SLC44A5: variants seen among roughly 807,000 people sequenced by gnomAD.
The protein encoded by SLC44A5 is choline transporter-like protein 5.
SLC44A5 carries 57 observed loss-of-function variants against 101.8 expected under a neutral mutation model. That is an observed-to-expected ratio of 0.56 (90% CI 0.45 to 0.70). The LOEUF is 0.70. SLC44A5 is among the 30% of genes least tolerant of loss of function. The pLI, the probability that SLC44A5 is intolerant of heterozygous loss-of-function variation, is 0.00. For missense variants in SLC44A5, 737 were observed against 853.1 expected (o/e 0.86, Z 1.70); for synonymous variants, 281 against 290.9 (o/e 0.97, Z 0.35).
Position 75,218,636 on chromosome 1 carries a change from T to C in SLC44A5, c.1383A>G (p.Leu461=), listed in dbSNP as rs1180378959. The C allele has an allele frequency of 1.2e-6, 2 of 1,613,700 alleles. No homozygotes were observed. Residue 461 remains leucine (L), a synonymous_variant, in exon 17 of 24, where the codon TTA becomes TTG. Coordinates refer to ENST00000370859, the MANE Select transcript of SLC44A5 (RefSeq NM_001130058.2). The part of the protein sequence containing the change: ...QYIPTFHVYN[L]FVFLWLINFV... ...AGTTTATAAGCCAGAGAAAGACAAA[T>C]AAGTTGTATACATGGAAGGTAGGGA...
At chr1:75,502,604 G>T (rs371010183) in intron 2 of SLC44A5, among the ~76,000 whole-genome samples, 13 of 151,968 alleles carry the variant, frequency 8.6e-5, no homozygotes, top group African/African-American at 3.1e-4. Context: ...TGCACAACGT[G>T]CAGGTTTGTT....
chr1:75,335,684 G>A (rs961885196), intron 4 of SLC44A5, among the ~76,000 whole-genome samples: 3 of 152,188 alleles, frequency 2.0e-5, no homozygotes, highest in African/African-American at 7.2e-5. Context: ...AAGCCTTGCT[G>A]GACTAGAAGC....
chr1:75,563,038 A>G (rs1224167088), intron 1 of SLC44A5, among the ~76,000 whole-genome samples: 7 of 152,290 alleles, frequency 4.6e-5, no homozygotes, highest in South Asian at 2.1e-4. Context: ...TTGATACGCA[A>G]TCATTACATT....
chr1:75,398,784 T>C (rs17583693), intron 2 of SLC44A5, among the ~76,000 whole-genome samples: 5,986 of 152,248 alleles, frequency 0.039, 162 homozygotes, highest in Middle Eastern at 0.071. Context: ...GCTTATGTCT[T>C]TTTCAAAACT....
intron 10 of SLC44A5, among the ~76,000 whole-genome samples, chr1:75,238,047 G>C (rs751551502): frequency 1.4e-4 from 21 of 151,912 alleles, no homozygotes; most frequent in Admixed American, 7.2e-4. Context: ...TTAGTACATA[G>C]AAATTTGATA....
chr1:75,326,025 G>A (rs1391682970), intron 4 of SLC44A5, among the ~76,000 whole-genome samples: 2 of 150,892 alleles, frequency 1.3e-5, no homozygotes, highest in Non-Finnish European at 2.9e-5. Context: ...TCATGTCAGT[G>A]CTCAAAAAGT....
At chr1:75,433,192 A>G (rs1366053706) in intron 2 of SLC44A5, among the ~76,000 whole-genome samples, 2 of 152,104 alleles carry the variant, frequency 1.3e-5, no homozygotes, top group African/African-American at 4.8e-5. Flanking sequence ...TGCTCAATAA[A>G]TATTTATGGA....
Position 75,238,639 on chromosome 1 carries a change from G to A in SLC44A5, c.533-3C>T. ...GTCAGGGAAACATCTCTGGAGAACT[G>A]TAAAAATAAATTAAAATTATTGTAA... On this transcript the variant is annotated splice_region_variant and splice_polypyrimidine_tract_variant and intron_variant, in intron 9 of 23. Coordinates refer to ENST00000370859, the MANE Select transcript of SLC44A5 (RefSeq NM_001130058.2). The A allele has an allele frequency of 6.5e-7, 1 of 1,539,426 alleles. No individual in the cohort carries two copies.
At chr1:75,496,978 A>C (rs1668711470) in intron 2 of SLC44A5, among the ~76,000 whole-genome samples, 1 of 152,206 alleles carries the variant, frequency 6.6e-6, no homozygotes, top group Non-Finnish European at 1.5e-5. Context: ...AAAGACAAAA[A>C]ATAAGTGTTT....
intron 6 of SLC44A5, among the ~76,000 whole-genome samples, chr1:75,263,370 A>G (rs1003356040): frequency 6.6e-6 from 1 of 152,232 alleles, no homozygotes; most frequent in Non-Finnish European, 1.5e-5. Context: ...GCCAACAAAC[A>G]TATGAAAAAA....
intron 2 of SLC44A5, among the ~76,000 whole-genome samples, chr1:75,486,435 C>G: frequency 6.6e-6 from 1 of 152,190 alleles, no homozygotes; most frequent in East Asian, 1.9e-4. Flanking sequence ...GAACAGATAT[C>G]AAATGTTTTA....
the SLC44A5 span, among the ~76,000 whole-genome samples, chr1:75,674,493 C>A: frequency 6.6e-6 from 1 of 152,150 alleles, no homozygotes; most frequent in African/African-American, 2.4e-5. Context: ...GATTATCCTG[C>A]CTCAGCCTCC....
intron 1 of SLC44A5, among the ~76,000 whole-genome samples, chr1:75,557,392 A>T (rs1381183785): frequency 1.3e-5 from 2 of 152,112 alleles, no homozygotes; most frequent in Non-Finnish European, 2.9e-5. Context: ...TGGGAGAGAA[A>T]GGAAGGAGTG....
chr1:75,414,548 A>G (rs1003142877), intron 2 of SLC44A5, among the ~76,000 whole-genome samples: 2 of 151,998 alleles, frequency 1.3e-5, no homozygotes, highest in African/African-American at 2.4e-5. Context: ...AACTATTTAT[A>G]CAGTAAATTG....
the SLC44A5 span, among the ~76,000 whole-genome samples, chr1:75,719,088 A>T: frequency 3.9e-5 from 6 of 152,302 alleles, no homozygotes; most frequent in East Asian, 1.2e-3. Flanking sequence ...AGTTGACTGC[A>T]GAGAGCCAAT....
At chr1:75,604,585 G>C (rs1038028473) in intron 1 of SLC44A5, among the ~76,000 whole-genome samples, 3 of 152,008 alleles carry the variant, frequency 2.0e-5, no homozygotes, top group Non-Finnish European at 4.4e-5. Flanking sequence ...CATAGAAATA[G>C]CATTGAATCT....
chr1:75,424,208 C>T lies in SLC44A5; in HGVS notation c.14-27587G>A, dbSNP rs773009615. Among the ~76,000 whole-genome samples, 44 of 152,314 alleles carry T rather than the reference C, an allele frequency of 2.9e-4. No individual in the cohort carries two copies. In the Middle Eastern group the frequency reaches 0.01, roughly 35 times the overall value. On this transcript the variant is annotated intron_variant, in intron 2 of 23. Transcript: ENST00000370859. Reference sequence around the variant, plus strand: ...CGATGACTCTCAGTCTAAAGCTATACGTTAATAGATTAACAAAGATCTGCC... The same window carrying T: ...CGATGACTCTCAGTCTAAAGCTATATGTTAATAGATTAACAAAGATCTGCC...
At chr1:75,459,344 A>C (rs1369200564) in intron 2 of SLC44A5, among the ~76,000 whole-genome samples, 1 of 152,202 alleles carries the variant, frequency 6.6e-6, no homozygotes, top group East Asian at 1.9e-4. Context: ...ATACAGTAAA[A>C]ATTTATCCAT....
chr1:75,371,876 G>A (rs1660248095), intron 3 of SLC44A5, among the ~76,000 whole-genome samples: 1 of 152,158 alleles, frequency 6.6e-6, no homozygotes, highest in Non-Finnish European at 1.5e-5. Context: ...GAAAGAAAAA[G>A]CCAGGTTGGA....
Sources: allele counts gnomAD v4.1 joint callset (sites outside exome capture counted in the v4.1 genomes callset), GRCh38; gene constraint gnomAD v4.1.1; transcripts MANE v1.5; gene names NCBI Gene and HGNC (gene_info 2026-07-23, HGNC 2026-07-21).